The following MCTP2 variants were observed in gnomAD, a reference collection of about 807,000 sequenced individuals.
MCTP2 encodes multiple C2 and transmembrane domain-containing protein 2.
Under a neutral mutation model 111.6 loss-of-function variants are expected in MCTP2, and 132 were observed. The ratio of observed to expected loss-of-function variants is 1.18; its 90% CI spans 1.03 to 1.37. The LOEUF (loss-of-function observed/expected upper bound fraction) is 1.37. Among genes scored for constraint, MCTP2 ranks in the 40% most tolerant of loss-of-function variants. The pLI is 0.00. For synonymous variants in MCTP2, 395 were observed against 387.7 expected (o/e 1.02, Z -0.22); for missense variants, 1,183 against 1,067.9 (o/e 1.11, Z -1.50).
chr15:94,335,331 A>G (rs2077311389), intron 4 of MCTP2, among the ~76,000 whole-genome samples: 1 of 152,268 alleles, frequency 6.6e-6, no homozygotes, highest in East Asian at 1.9e-4. Flanking sequence ...ACATAGCTGA[A>G]TTAATTTAAA....
intron 12 of MCTP2, among the ~76,000 whole-genome samples, chr15:94,372,382 G>C (rs2152440422): frequency 6.6e-6 from 1 of 152,232 alleles, no homozygotes; most frequent in South Asian, 2.1e-4. Context: ...CCAGAGTGTT[G>C]TTCCCACCAA....
intron 14 of MCTP2, among the ~76,000 whole-genome samples, chr15:94,386,950 T>C (rs1050658780): frequency 2.0e-5 from 3 of 152,152 alleles, no homozygotes; most frequent in African/African-American, 7.2e-5. Context: ...TGTCTTTCTC[T>C]TCTTCCCTCC....
chr15:94,294,591 T>TA (rs2075173377), intron 1 of MCTP2, among the ~76,000 whole-genome samples: 1 of 152,254 alleles, frequency 6.6e-6, no homozygotes, highest in African/African-American at 2.4e-5. Flanking sequence ...TTTTTCCACT[T>TA]AGACACATTC....
chr15:94,459,762 T>G (rs952811669), intron 20 of MCTP2, among the ~76,000 whole-genome samples: 3 of 152,306 alleles, frequency 2.0e-5, no homozygotes, highest in Middle Eastern at 3.4e-3. Flanking sequence ...AGACACTGAC[T>G]TGGTCTAAGT....
At chr15:94,347,535 G>A (rs930066269) in intron 8 of MCTP2, among the ~76,000 whole-genome samples, 2 of 151,648 alleles carry the variant, frequency 1.3e-5, no homozygotes, top group South Asian at 2.1e-4. Context: ...TTTTTCAACT[G>A]TTTTCTTACT....
chr15:94,328,135 T>TC (rs1184877536), intron 4 of MCTP2, among the ~76,000 whole-genome samples: 1 of 151,060 alleles, frequency 6.6e-6, no homozygotes, highest in African/African-American at 2.4e-5. Flanking sequence ...TCTTTTCTTT[T>TC]TTTTTTTTTT....
At chr15:94,355,602 G>T (rs1400923190) in intron 8 of MCTP2, among the ~76,000 whole-genome samples, 1 of 152,032 alleles carries the variant, frequency 6.6e-6, no homozygotes, top group Non-Finnish European at 1.5e-5. Flanking sequence ...CATTTGGCCA[G>T]CTAGGCCACT....
In MCTP2 at chr15:94,446,577, A is replaced by G. The variant is rs61020200; in HGVS notation, c.2250+3617A>G. Among the ~76,000 whole-genome samples, 358 of 152,360 alleles carry G rather than the reference A, an allele frequency of 2.3e-3. 2 individuals are homozygous for G. The East Asian group carries it at 0.034, about 14-fold the overall frequency. On this transcript the variant is annotated intron_variant, in intron 19 of 22. Coordinates refer to ENST00000357742, the MANE Select transcript of MCTP2 (RefSeq NM_001385001.1). ...AGCAAGACAATAATATCTTGTTTTC[A>G]TTACAGAAGGTATAAATACTTGCAC...
chr15:94,463,081 AGAGT>A (rs2085315058), intron 20 of MCTP2, among the ~76,000 whole-genome samples: 1 of 152,188 alleles, frequency 6.6e-6, no homozygotes, highest in Admixed American at 6.5e-5. Context: ...GCTATGTGGG[AGAGT>A]GAGTGTGTCG....
In MCTP2 at chr15:94,442,980, A is replaced by C; in HGVS notation, c.2250+20A>C. The C allele has an allele frequency of 6.2e-7, 1 of 1,610,600 alleles. No homozygotes were observed. The highest frequency in any genetic ancestry group is 1.7e-4 in the Middle Eastern group (1 of 6,050). ...GACAAGGTGCGTATGTTCAAGAAAG[A>C]ACACACACAAAAAAACACTAGTGTT... On this transcript the variant is annotated intron_variant, in intron 19 of 22. Coordinates refer to ENST00000357742, the MANE Select transcript of MCTP2 (RefSeq NM_001385001.1).
chr15:94,253,891 T>C (rs961358726), intron 1 of MCTP2, among the ~76,000 whole-genome samples: 3 of 152,158 alleles, frequency 2.0e-5, no homozygotes, highest in Non-Finnish European at 4.4e-5. Flanking sequence ...TATAGCTCAA[T>C]GGTGGGTTGA....
At chr15:94,346,806 C>T (rs2078006489) in intron 8 of MCTP2, among the ~76,000 whole-genome samples, 1 of 151,772 alleles carries the variant, frequency 6.6e-6, no homozygotes, top group South Asian at 2.1e-4. Flanking sequence ...ATGTTGACGG[C>T]CTGGGTGAAG....
chr15:94,405,378 A>T (rs1026329616), intron 17 of MCTP2, among the ~76,000 whole-genome samples: 1 of 152,254 alleles, frequency 6.6e-6, no homozygotes, highest in African/African-American at 2.4e-5. Context: ...AAAGCAAACC[A>T]TACGTTTTCC....
Position 94,283,371 on chromosome 15 carries a change from TCATGGCCATGCTC to T in MCTP2, c.-65-14823_-65-14811del, listed in dbSNP as rs151236308. Among the ~76,000 whole-genome samples the T allele has an allele frequency of 5.5e-3, 843 of 152,268 alleles. 2 individuals carry two copies. Among genetic ancestry groups the T allele is most frequent in the African/African-American group, 0.019 (802 of 41,542 alleles). On this transcript the variant is annotated intron_variant, in intron 1 of 22. Transcript: ENST00000357742. ...ATGCCAAGCCTTGGGGGGTGGGCTT[TCATGGCCATGCTC>T]CATGGCAGATAGTCCCATGCCAACC...
intron 1 of MCTP2, among the ~76,000 whole-genome samples, chr15:94,244,975 C>G (rs1293642685): frequency 1.1e-4 from 6 of 55,702 alleles, no homozygotes; most frequent in African/African-American, 3.7e-4. Context: ...TATGTATACA[C>G]ATACATATGC....
At chr15:94,277,232 A>T (rs1024509005) in intron 1 of MCTP2, among the ~76,000 whole-genome samples, 11 of 152,214 alleles carry the variant, frequency 7.2e-5, no homozygotes, top group African/African-American at 2.7e-4. Flanking sequence ...TATGGGCAAG[A>T]TGCCTAGTAG....
At chr15:94,339,864 A>T (rs2077543151) in intron 5 of MCTP2, among the ~76,000 whole-genome samples, 1 of 152,222 alleles carries the variant, frequency 6.6e-6, no homozygotes, top group Admixed American at 6.5e-5. Flanking sequence ...TTTAATTGGC[A>T]GATCTGCTCA....
At chr15:94,438,061 A>C (rs764582099) in intron 17 of MCTP2, among the ~76,000 whole-genome samples, 33 of 152,128 alleles carry the variant, frequency 2.2e-4, no homozygotes, top group Non-Finnish European at 4.4e-4. Flanking sequence ...ATGATTTCTT[A>C]AGTAGAACAC....
At position 94,483,135 on chromosome 15, in the gene MCTP2, CAG is replaced by C. The variant is rs1325372067; in HGVS notation, c.*4104_*4105del. 6.6e-6 allele frequency: 1 copy of C among 152,194 alleles called. No homozygotes were observed. Among genetic ancestry groups the C allele is most frequent in the Non-Finnish European group, 1.5e-5 (1 of 68,044 alleles). The allele number at this position is 152,194 out of a possible 1,614,324, so 9.4% of individuals were successfully genotyped here. ...ATTTGGGATTATTTTAGTAAGAAAA[CAG>C]AGGTGTCATGACCTCAGTGTAACCC... On this transcript the variant is annotated 3_prime_UTR_variant, in exon 23 of 23. Transcript: ENST00000357742.
Sources: allele counts gnomAD v4.1 joint callset (sites outside exome capture counted in the v4.1 genomes callset), GRCh38; gene constraint gnomAD v4.1.1; transcripts MANE v1.5; gene names NCBI Gene and HGNC (gene_info 2026-07-23, HGNC 2026-07-21).